The following GALNT1 variants were observed in gnomAD, a reference collection of about 807,000 sequenced individuals.
GALNT1 encodes GalNAc transferase 1.
A neutral mutation model predicts 65.7 loss-of-function variants in GALNT1; 17 were observed. The observed-to-expected ratio is 0.26, with a 90% CI of 0.18 to 0.39. GALNT1 has a LOEUF of 0.39. Ranked by LOEUF, GALNT1 falls within the 10% of genes least tolerant of loss-of-function variation. GALNT1 has a pLI of 1.00. For missense variants in GALNT1, 460 were observed against 672.8 expected (o/e 0.68, Z 3.50); for synonymous variants, 210 against 219.7 (o/e 0.96, Z 0.39).
intron 3 of GALNT1, 50 bp downstream of exon 3, chr18:35,663,852 G>A: frequency 6.4e-7 from 1 of 1,555,082 alleles, no homozygotes; most frequent in African/African-American, 1.4e-5. Flanking sequence ...AGTATATTCT[G>A]AATTTTCAGT....
At chr18:35,637,064 C>T (rs551414445) in intron 1 of GALNT1, among the ~76,000 whole-genome samples, 1 of 152,254 alleles carries the variant, frequency 6.6e-6, no homozygotes, top group African/African-American at 2.4e-5. Flanking sequence ...TCTTTTCTGA[C>T]TGCTCCGCCG....
At chr18:35,626,209 A>T (rs1202766089) in intron 1 of GALNT1, among the ~76,000 whole-genome samples, 1 of 152,142 alleles carries the variant, frequency 6.6e-6, no homozygotes, top group Non-Finnish European at 1.5e-5. Context: ...ATGCAAACTC[A>T]CTTTGTTGTC....
intron 1 of GALNT1, among the ~76,000 whole-genome samples, chr18:35,631,734 G>C (rs921773710): frequency 2.0e-5 from 3 of 152,168 alleles, no homozygotes; most frequent in African/African-American, 7.2e-5. Flanking sequence ...AAGAAATAAA[G>C]GGTATTCAAT....
chr18:35,690,908 C>T, intron 7 of GALNT1, 104 bp from the exon 8 acceptor site: 1 of 1,080,002 alleles, frequency 9.3e-7, no homozygotes, highest in Non-Finnish European at 1.3e-6. Context: ...TAAACAAAAG[C>T]CAAACCCCTA....
intron 1 of GALNT1, among the ~76,000 whole-genome samples, chr18:35,595,093 A>G (rs1039381006): frequency 2.0e-5 from 3 of 152,172 alleles, no homozygotes; most frequent in African/African-American, 4.8e-5. Flanking sequence ...GCCTAAATGA[A>G]GAGGCAGATT....
At position 35,593,032 on chromosome 18, in the gene GALNT1, T is replaced by C. The variant is rs531421433; in HGVS notation, c.-104+11170T>C. 2.6e-5 allele frequency among the ~76,000 whole-genome samples: 4 copies of C among 152,282 alleles called. No homozygotes were observed. The South Asian group carries it at 8.3e-4, about 32-fold the overall frequency. ...TTCCTGTTGTTGTTGTTGTTTTTCC[T>C]TGAGAGGAGTTGCAAGACGTGGGAG... is the stretch of plus-strand genomic sequence containing the variant. On this transcript the variant is annotated intron_variant, in intron 1 of 11. Transcript: ENST00000269195.
At chr18:35,611,535 C>T (rs1356296949) in intron 1 of GALNT1, among the ~76,000 whole-genome samples, 1 of 152,150 alleles carries the variant, frequency 6.6e-6, no homozygotes, top group Non-Finnish European at 1.5e-5. Flanking sequence ...AGACAATTTG[C>T]TCTCTTTATA....
chr18:35,687,083 G>A lies in GALNT1; in HGVS notation c.757G>A (p.Asp253Asn). Residue 253 changes from aspartate to asparagine, a missense_variant, in exon 6 of 12, where the codon GAT becomes AAT. By Grantham distance (23) the Asp-to-Asn change is conservative. Transcript: ENST00000269195. The part of the protein sequence containing the change: ...DDTFEYMAGS[D>N]MTYGGFNWKL... ...TACTTTTGAGTACATGGCAGGCTCT[G>A]ATATGACCTATGGTGGGTTCAACTG... The A allele has an allele frequency of 6.2e-7, 1 of 1,613,958 alleles. No homozygotes were observed. The highest frequency in any genetic ancestry group is 8.5e-7 in the Non-Finnish European group (1 of 1,179,876).
chr18:35,698,744 C>T (rs562239457), intron 9 of GALNT1, among the ~76,000 whole-genome samples: 33 of 151,764 alleles, frequency 2.2e-4, no homozygotes, highest in Non-Finnish European at 3.4e-4. Flanking sequence ...TTTGGGAGGC[C>T]GAGGTGGGTG....
intron 5 of GALNT1, among the ~76,000 whole-genome samples, chr18:35,684,271 T>C (rs2047832931): frequency 6.6e-6 from 1 of 152,298 alleles, no homozygotes; most frequent in South Asian, 2.1e-4. Context: ...GAGTGAACTT[T>C]TACTAGTCAA....
chr18:35,697,904 C>T (rs532764584), intron 9 of GALNT1, among the ~76,000 whole-genome samples: 2 of 152,290 alleles, frequency 1.3e-5, no homozygotes, highest in Admixed American at 6.5e-5. Flanking sequence ...ATAAACAATT[C>T]CTATGAAGAG....
intron 1 of GALNT1, among the ~76,000 whole-genome samples, chr18:35,620,857 GACTGT>G (rs955739957): frequency 1.5e-4 from 23 of 151,948 alleles, no homozygotes; most frequent in African/African-American, 5.5e-4. Flanking sequence ...TTTCTCCAGG[GACTGT>G]ACCTAGAAGT....
intron 9 of GALNT1, among the ~76,000 whole-genome samples, chr18:35,702,578 C>T (rs1401054694): frequency 1.3e-5 from 2 of 152,024 alleles, no homozygotes; most frequent in Non-Finnish European, 2.9e-5. Context: ...ATAATAGTGT[C>T]ATCAGGGAGT....
chr18:35,599,648 C>G (rs1386942546), intron 1 of GALNT1, among the ~76,000 whole-genome samples: 3 of 152,192 alleles, frequency 2.0e-5, no homozygotes, highest in African/African-American at 7.2e-5. Context: ...CAGGTGTGAG[C>G]CATTACGCCT....
chr18:35,661,170 A>G (rs1196087594), intron 2 of GALNT1, among the ~76,000 whole-genome samples: 2 of 152,088 alleles, frequency 1.3e-5, no homozygotes, highest in African/African-American at 2.4e-5. Flanking sequence ...CCCCTCCACC[A>G]TGGAAATTCT....
At chr18:35,690,377 C>CT (rs1568033424) in intron 7 of GALNT1, among the ~76,000 whole-genome samples, 1 of 152,048 alleles carries the variant, frequency 6.6e-6, no homozygotes, top group African/African-American at 2.4e-5. Flanking sequence ...GCTGGTTACT[C>CT]CATGGTCAGG....
At chr18:35,632,205 A>T (rs2047023287) in intron 1 of GALNT1, among the ~76,000 whole-genome samples, 1 of 152,214 alleles carries the variant, frequency 6.6e-6, no homozygotes, top group East Asian at 1.9e-4. Flanking sequence ...ACTACTTTAA[A>T]GTTCATATGG....
At chr18:35,608,104 TC>T (rs765438741) in intron 1 of GALNT1, among the ~76,000 whole-genome samples, 2 of 152,190 alleles carry the variant, frequency 1.3e-5, no homozygotes, top group Non-Finnish European at 2.9e-5. Flanking sequence ...ATTTCTTAGA[TC>T]CCTCTCTAGT....
At chr18:35,590,691 G>A (rs965583987) in intron 1 of GALNT1, among the ~76,000 whole-genome samples, 1 of 151,906 alleles carries the variant, frequency 6.6e-6, no homozygotes, top group Non-Finnish European at 1.5e-5. Flanking sequence ...GAAATTTCTG[G>A]GACTATTGAA....
Sources: allele counts gnomAD v4.1 joint callset (sites outside exome capture counted in the v4.1 genomes callset), GRCh38; gene constraint gnomAD v4.1.1; transcripts MANE v1.5; gene names NCBI Gene and HGNC (gene_info 2026-07-23, HGNC 2026-07-21).